MBNL2: variants seen among roughly 807,000 people sequenced by gnomAD.
The protein encoded by MBNL2 is muscleblind like splicing regulator 2.
A neutral mutation model predicts 41.9 loss-of-function variants in MBNL2; 17 were observed. The observed-to-expected ratio is 0.41, with a 90% confidence interval of 0.28 to 0.61. The LOEUF is 0.61. Among genes scored for constraint, MBNL2 ranks in the 20% least tolerant of loss-of-function variants. The probability of loss-of-function intolerance (pLI) is 0.35; values close to 1 mark genes in which losing one functional copy is unlikely to be tolerated. For synonymous variants in MBNL2, 195 were observed against 182.9 expected, an observed-to-expected ratio of 1.07 and a Z score of -0.53; for missense variants, 336 against 505.6, an observed-to-expected ratio of 0.66 and a Z score of 3.22.
chr13:97,223,624 G>A (rs2041138061), intron 1 of MBNL2, among the ~76,000 whole-genome samples: 1 of 152,190 alleles, frequency 6.6e-6, no homozygotes, highest in Non-Finnish European at 1.5e-5. Context: ...AAAAGACAAA[G>A]GTTAAGTGGA....
chr13:97,273,225 TGTG>T (rs2051453168), intron 1 of MBNL2, among the ~76,000 whole-genome samples: 1 of 152,206 alleles, frequency 6.6e-6, no homozygotes, highest in Non-Finnish European at 1.5e-5. Context: ...AAACACTAAG[TGTG>T]TTCAGCCCAT....
chr13:97,308,163 C>G (rs1429451937), intron 2 of MBNL2, among the ~76,000 whole-genome samples: 2 of 152,218 alleles, frequency 1.3e-5, no homozygotes, highest in Non-Finnish European at 2.9e-5. Flanking sequence ...TGCCACATGC[C>G]TGCAGGCCCC....
At chr13:97,277,227 G>A (rs111882464) in intron 2 of MBNL2, among the ~76,000 whole-genome samples, 2,972 of 152,282 alleles carry the variant, frequency 0.02, 110 homozygotes, top group African/African-American at 0.068. Flanking sequence ...GAAGTGGCAT[G>A]AGTTAACCGC....
chr13:97,146,104 C>T, the MBNL2 span, among the ~76,000 whole-genome samples: 3 of 152,020 alleles, frequency 2.0e-5, no homozygotes, highest in South Asian at 4.1e-4. Context: ...AATTATTCTG[C>T]CTCAGCCTCC....
chr13:97,292,077 T>G (rs12428911), intron 2 of MBNL2, among the ~76,000 whole-genome samples: 70,511 of 149,724 alleles, frequency 0.47, 19,988 homozygotes, highest in Non-Finnish European at 0.61. Context: ...GGCGGGCGCC[T>G]GTAGTCCCAG....
At chr13:97,171,905 C>A in the MBNL2 span, among the ~76,000 whole-genome samples, 8 of 152,198 alleles carry the variant, frequency 5.3e-5, no homozygotes, top group South Asian at 1.7e-3. Context: ...TCTTTTTGCT[C>A]GGCTCTCATT....
intron 2 of MBNL2, among the ~76,000 whole-genome samples, chr13:97,297,291 G>A (rs906337076): frequency 7.9e-5 from 12 of 152,150 alleles, no homozygotes; most frequent in Admixed American, 4.6e-4. Flanking sequence ...TCAAATTGCT[G>A]ATAGTCAGGA....
At chr13:97,266,159 T>C (rs1168081235) in intron 1 of MBNL2, among the ~76,000 whole-genome samples, 1 of 152,058 alleles carries the variant, frequency 6.6e-6, no homozygotes, top group Non-Finnish European at 1.5e-5. Flanking sequence ...GGAGAATCAC[T>C]TGAACCTGGG....
At chr13:97,166,828 AT>A in the MBNL2 span, among the ~76,000 whole-genome samples, 257 of 151,612 alleles carry the variant, frequency 1.7e-3, 1 homozygote, top group African/African-American at 4.6e-3. Flanking sequence ...AGATAGATAG[AT>A]AGATAGATAG....
chr13:97,161,260 C>T, the MBNL2 span, among the ~76,000 whole-genome samples: 1 of 152,204 alleles, frequency 6.6e-6, no homozygotes, highest in Non-Finnish European at 1.5e-5. Flanking sequence ...TGGCTAAGAG[C>T]TCAGCACCTG....
At chr13:97,278,124 G>A (rs1206644332) in intron 2 of MBNL2, among the ~76,000 whole-genome samples, 1 of 151,778 alleles carries the variant, frequency 6.6e-6, no homozygotes, top group East Asian at 1.9e-4. Flanking sequence ...GCATGGTGGT[G>A]CATGCCTGTA....
chr13:97,319,016 G>A (rs941724846), intron 2 of MBNL2, among the ~76,000 whole-genome samples: 2 of 152,166 alleles, frequency 1.3e-5, no homozygotes, highest in African/African-American at 4.8e-5. Context: ...ACCCTGGATG[G>A]GGACCCTCAG....
intron 8 of MBNL2, among the ~76,000 whole-genome samples, chr13:97,382,850 CT>C (rs1483918075): frequency 6.6e-6 from 1 of 151,084 alleles, no homozygotes; most frequent in African/African-American, 2.4e-5. Context: ...CAGGGTTTCA[CT>C]TTTTTTTTCC....
At chr13:97,184,321 A>C in the MBNL2 span, among the ~76,000 whole-genome samples, 3 of 152,180 alleles carry the variant, frequency 2.0e-5, no homozygotes, top group East Asian at 5.8e-4. Flanking sequence ...TTCTTAAAAA[A>C]ATTGTTTTTC....
At chr13:97,148,966 A>G in the MBNL2 span, among the ~76,000 whole-genome samples, 2 of 152,260 alleles carry the variant, frequency 1.3e-5, no homozygotes, top group African/African-American at 4.8e-5. Context: ...ATGCCTAGAC[A>G]GGAGCAGAGG....
intron 2 of MBNL2, among the ~76,000 whole-genome samples, chr13:97,315,279 C>A (rs1263332352): frequency 6.6e-6 from 1 of 152,188 alleles, no homozygotes; most frequent in Non-Finnish European, 1.5e-5. Context: ...CACTCCAGAT[C>A]TCATCCCACA....
chr13:97,168,581 G>C, the MBNL2 span, among the ~76,000 whole-genome samples: 148 of 152,240 alleles, frequency 9.7e-4, no homozygotes, highest in African/African-American at 3.3e-3. Flanking sequence ...CCAGCCATGA[G>C]AGTCTGGATG....
intron 1 of MBNL2, among the ~76,000 whole-genome samples, chr13:97,246,829 G>A (rs922154887): frequency 3.3e-5 from 5 of 152,106 alleles, no homozygotes; most frequent in African/African-American, 1.2e-4. Context: ...TTTATGAGCT[G>A]GTTACAGTCA....
intron 1 of MBNL2, among the ~76,000 whole-genome samples, chr13:97,225,232 G>C (rs1406159469): frequency 1.3e-5 from 2 of 152,164 alleles, no homozygotes; most frequent in Admixed American, 6.5e-5. Flanking sequence ...TGGGAAAAGA[G>C]GATTTAGATG....
Sources: gnomAD v4.1 joint callset for allele counts (sites outside exome capture counted in the v4.1 genomes callset) on GRCh38, gnomAD v4.1.1 for gene constraint, MANE v1.5 for transcripts, NCBI Gene and HGNC (gene_info 2026-07-23, HGNC 2026-07-21) for gene names.